Variants in NRG3 observed in about 807,000 individuals in gnomAD.
NRG3 encodes neuregulin 3, also known as pro-neuregulin-3, membrane-bound isoform.
NRG3 carries 31 observed loss-of-function variants against 66.9 expected under a neutral mutation model. The observed-to-expected ratio is 0.46, with a 90% confidence interval of 0.35 to 0.63. The LOEUF is 0.63. Among genes scored for constraint, NRG3 ranks in the 20% least tolerant of loss-of-function variants. The pLI is 0.00. For missense variants in NRG3, 910 were observed against 878.9 expected (o/e 1.04, Z -0.45); for synonymous variants, 393 against 359.4 (o/e 1.09, Z -1.06).
At chr10:82,468,805 G>C (rs73305826) in intron 2 of NRG3, among the ~76,000 whole-genome samples, 4 of 152,128 alleles carry the variant, frequency 2.6e-5, no homozygotes, top group Non-Finnish European at 5.9e-5. Flanking sequence ...TGTTATTTTG[G>C]TGGTCATGGG....
chr10:81,881,768 A>G (rs1156630374), intron 1 of NRG3, among the ~76,000 whole-genome samples: 1 of 151,982 alleles, frequency 6.6e-6, no homozygotes, highest in Non-Finnish European at 1.5e-5. Context: ...TTTTCTAAGT[A>G]TGTGTCTACT....
intron 3 of NRG3, among the ~76,000 whole-genome samples, chr10:82,821,280 A>G (rs1477144410): frequency 6.6e-6 from 1 of 152,066 alleles, no homozygotes; most frequent in Non-Finnish European, 1.5e-5. Context: ...TTGTAAGTGT[A>G]AGACATCATT....
intron 3 of NRG3, among the ~76,000 whole-genome samples, chr10:82,836,971 C>T (rs1283636123): frequency 6.6e-6 from 1 of 152,036 alleles, no homozygotes; most frequent in Non-Finnish European, 1.5e-5. Flanking sequence ...CAATTCCCAC[C>T]TATGAGTGAG....
chr10:82,066,562 G>A (rs1319971763), intron 1 of NRG3, among the ~76,000 whole-genome samples: 2 of 152,120 alleles, frequency 1.3e-5, no homozygotes, highest in Non-Finnish European at 2.9e-5. Flanking sequence ...TCTGGAGCCT[G>A]GACCATGCAT....
intron 1 of NRG3, among the ~76,000 whole-genome samples, chr10:82,290,634 A>G (rs1312154870): frequency 8.1e-6 from 1 of 124,098 alleles, no homozygotes; most frequent in Non-Finnish European, 1.6e-5. Flanking sequence ...AATGACTTCA[A>G]ATGATTTTTT....
At chr10:82,745,654 TA>T (rs1174657885) in intron 3 of NRG3, among the ~76,000 whole-genome samples, 1 of 152,210 alleles carries the variant, frequency 6.6e-6, no homozygotes, top group Non-Finnish European at 1.5e-5. Flanking sequence ...TATATTTTTA[TA>T]TATTTGATTG....
chr10:82,202,745 G>T (rs1236091207), intron 1 of NRG3, among the ~76,000 whole-genome samples: 1 of 152,080 alleles, frequency 6.6e-6, no homozygotes, highest in Non-Finnish European at 1.5e-5. Context: ...GGTTTTTTTT[G>T]TGTGTGTTGT....
At chr10:82,269,873 C>T (rs893658486) in intron 1 of NRG3, among the ~76,000 whole-genome samples, 4 of 152,072 alleles carry the variant, frequency 2.6e-5, no homozygotes, top group African/African-American at 9.7e-5. Flanking sequence ...CACGGATTTC[C>T]TGCACAAGTC....
At chr10:82,190,087 T>C (rs1403406956) in intron 1 of NRG3, among the ~76,000 whole-genome samples, 2 of 152,190 alleles carry the variant, frequency 1.3e-5, no homozygotes. Context: ...GGCCCTGACT[T>C]GGTCATTGCA....
intron 2 of NRG3, among the ~76,000 whole-genome samples, chr10:82,645,537 C>G (rs2050870789): frequency 6.6e-6 from 1 of 152,174 alleles, no homozygotes; most frequent in African/African-American, 2.4e-5. Flanking sequence ...CTTCAATGTG[C>G]AAACTCTTTC....
intron 5 of NRG3, among the ~76,000 whole-genome samples, chr10:82,956,566 C>T (rs562146672): frequency 1.5e-4 from 23 of 151,950 alleles, no homozygotes; most frequent in African/African-American, 3.2e-4. Context: ...AAACGCAGTC[C>T]GGTATTGGAT....
intron 7 of NRG3, among the ~76,000 whole-genome samples, chr10:82,976,549 C>A (rs1852272322): frequency 6.6e-6 from 1 of 152,154 alleles, no homozygotes; most frequent in Non-Finnish European, 1.5e-5. Flanking sequence ...CCTCCACATC[C>A]CATAGTGAAC....
At chr10:81,974,306 C>G (rs1419573915) in intron 1 of NRG3, among the ~76,000 whole-genome samples, 3 of 151,686 alleles carry the variant, frequency 2.0e-5, no homozygotes, top group African/African-American at 7.3e-5. Flanking sequence ...AAGAAACAAC[C>G]TTAAAAACAA....
intron 1 of NRG3, among the ~76,000 whole-genome samples, chr10:82,213,407 A>G (rs1006855317): frequency 1.3e-5 from 2 of 152,236 alleles, no homozygotes. Flanking sequence ...TAAATATTAC[A>G]TAAAATTATC....
intron 1 of NRG3, among the ~76,000 whole-genome samples, chr10:82,183,012 T>C (rs1268141167): frequency 6.6e-6 from 1 of 152,004 alleles, no homozygotes; most frequent in East Asian, 1.9e-4. Flanking sequence ...TTCTTCTACA[T>C]AATGATTGGA....
chr10:82,217,184 G>T (rs2075731003), intron 1 of NRG3, among the ~76,000 whole-genome samples: 1 of 152,286 alleles, frequency 6.6e-6, no homozygotes, highest in Non-Finnish European at 1.5e-5. Context: ...TACTCCATGT[G>T]ACAAGGTTTT....
intron 1 of NRG3, among the ~76,000 whole-genome samples, chr10:82,044,289 C>G (rs1054467114): frequency 6.6e-6 from 1 of 152,008 alleles, no homozygotes; most frequent in Non-Finnish European, 1.5e-5. Context: ...TGGCCAGATC[C>G]TATTTCAGGA....
At chr10:82,268,247 A>G (rs1012840561) in intron 1 of NRG3, among the ~76,000 whole-genome samples, 1 of 152,098 alleles carries the variant, frequency 6.6e-6, no homozygotes, top group Non-Finnish European at 1.5e-5. Flanking sequence ...TTCCTTTTTC[A>G]GAGGAGAAAA....
intron 2 of NRG3, among the ~76,000 whole-genome samples, chr10:82,466,961 C>A (rs925224163): frequency 8.6e-5 from 13 of 151,396 alleles, no homozygotes; most frequent in Non-Finnish European, 1.3e-4. Context: ...TTTAAGCAGG[C>A]GAAGGCGGGT....
Sources: gnomAD v4.1 joint callset for allele counts (sites outside exome capture counted in the v4.1 genomes callset) on GRCh38, gnomAD v4.1.1 for gene constraint, MANE v1.5 for transcripts, NCBI Gene and HGNC (gene_info 2026-07-23, HGNC 2026-07-21) for gene names.